The following THSD7B variants were observed in gnomAD, a reference collection of about 807,000 sequenced individuals.
THSD7B encodes thrombospondin type-1 domain-containing protein 7B.
Under a neutral mutation model 213.6 loss-of-function variants are expected in THSD7B, and 138 were observed. The observed-to-expected ratio is 0.65, with a 90% CI of 0.56 to 0.74. The LOEUF (loss-of-function observed/expected upper bound fraction) is 0.74, where lower values mean the gene tolerates loss of function less well. Among genes scored for constraint, THSD7B ranks in the 30% least tolerant of loss-of-function variants. The pLI is 0.00. For synonymous variants in THSD7B, 742 were observed against 687.0 expected (o/e 1.08, Z -1.25); for missense variants, 1,931 against 1,991.5 (o/e 0.97, Z 0.58).
intron 15 of THSD7B, among the ~76,000 whole-genome samples, chr2:137,539,577 A>C (rs1680569269): frequency 6.6e-6 from 1 of 151,762 alleles, no homozygotes; most frequent in Admixed American, 6.6e-5. Flanking sequence ...CATTCTGGTC[A>C]TGTGCAAACA....
chr2:137,427,502 ATAT>A (rs1185239473), intron 14 of THSD7B, among the ~76,000 whole-genome samples: 4 of 151,806 alleles, frequency 2.6e-5, no homozygotes, highest in African/African-American at 9.7e-5. Context: ...GTGTAATGAA[ATAT>A]TATTCAGTCT....
At chr2:137,261,014 T>C (rs1413490495) in intron 10 of THSD7B, among the ~76,000 whole-genome samples, 3 of 152,180 alleles carry the variant, frequency 2.0e-5, no homozygotes, top group Admixed American at 1.3e-4. Flanking sequence ...GGTCTTGCTG[T>C]GTTGCCTAGG....
At chr2:137,647,252 G>C (rs1683050488) in intron 21 of THSD7B, among the ~76,000 whole-genome samples, 1 of 152,144 alleles carries the variant, frequency 6.6e-6, no homozygotes, top group Admixed American at 6.5e-5. Context: ...AGTCCTGCAG[G>C]GGAAGAGGGA....
intron 20 of THSD7B, among the ~76,000 whole-genome samples, chr2:137,626,469 AAAAAAAAAAAAG>A (rs1007404982): frequency 1.2e-4 from 17 of 143,344 alleles, no homozygotes; most frequent in South Asian, 1.1e-3. Flanking sequence ...GTCTCAAAAA[AAAAAAAAAAAAG>A]AAAAAGAAAA....
At chr2:137,437,695 T>C (rs1687323411) in intron 14 of THSD7B, among the ~76,000 whole-genome samples, 1 of 152,060 alleles carries the variant, frequency 6.6e-6, no homozygotes. Flanking sequence ...TGATAAAGAT[T>C]TCAATGTAAC....
At chr2:137,088,203 G>A (rs1024369659) in intron 3 of THSD7B, among the ~76,000 whole-genome samples, 31 of 151,748 alleles carry the variant, frequency 2.0e-4, no homozygotes, top group African/African-American at 7.3e-4. Flanking sequence ...TTGCACCACT[G>A]CACTCCAGCC....
intron 1 of THSD7B, among the ~76,000 whole-genome samples, chr2:136,843,642 C>T (rs1383325659): frequency 6.6e-6 from 1 of 152,116 alleles, no homozygotes; most frequent in Non-Finnish European, 1.5e-5. Context: ...CAGTGTGGTA[C>T]TGGTGGCTTG....
At chr2:137,142,441 A>G (rs1361339919) in intron 5 of THSD7B, among the ~76,000 whole-genome samples, 1 of 151,544 alleles carries the variant, frequency 6.6e-6, no homozygotes, top group Non-Finnish European at 1.5e-5. Context: ...AAATTTCAAC[A>G]TTCGTTTTTG....
chr2:136,792,067 G>A (rs1324822156), intron 1 of THSD7B, among the ~76,000 whole-genome samples: 1 of 151,936 alleles, frequency 6.6e-6, no homozygotes, highest in African/African-American at 2.4e-5. Context: ...ATCCTACTGG[G>A]TATGAAGTGG....
chr2:137,155,791 G>A (rs1351612345), intron 5 of THSD7B, among the ~76,000 whole-genome samples: 2 of 152,224 alleles, frequency 1.3e-5, no homozygotes, highest in Non-Finnish European at 2.9e-5. Context: ...AGGGTTTAAA[G>A]TGTTAAATTT....
At chr2:137,599,379 G>GA (rs1343961524) in intron 17 of THSD7B, among the ~76,000 whole-genome samples, 1 of 151,888 alleles carries the variant, frequency 6.6e-6, no homozygotes, top group Non-Finnish European at 1.5e-5. Flanking sequence ...AAAATCACAT[G>GA]AAAAAATGCT....
chr2:137,158,560 T>G (rs1245291408), intron 5 of THSD7B, among the ~76,000 whole-genome samples: 1 of 152,244 alleles, frequency 6.6e-6, no homozygotes, highest in African/African-American at 2.4e-5. Context: ...AACATTATTA[T>G]TTTGTTTCGC....
At chr2:136,924,617 G>A (rs183825094) in intron 2 of THSD7B, among the ~76,000 whole-genome samples, 42 of 152,152 alleles carry the variant, frequency 2.8e-4, no homozygotes, top group African/African-American at 9.9e-4. Flanking sequence ...GGAAGTATGA[G>A]GCCTTGGCCT....
chr2:137,357,787 T>A (rs899186851), intron 12 of THSD7B, among the ~76,000 whole-genome samples: 4 of 152,110 alleles, frequency 2.6e-5, no homozygotes, highest in African/African-American at 9.7e-5. Context: ...GAGGAGGCAG[T>A]AGTGATGATG....
chr2:137,493,218 C>CATAGTAT (rs1679475752), intron 15 of THSD7B, among the ~76,000 whole-genome samples: 1 of 151,058 alleles, frequency 6.6e-6, no homozygotes, highest in Non-Finnish European at 1.5e-5. Context: ...GTATGTTCTC[C>CATAGTAT]ATAGTATTCC....
chr2:137,447,570 A>G (rs1198800164), intron 14 of THSD7B, among the ~76,000 whole-genome samples: 1 of 152,140 alleles, frequency 6.6e-6, no homozygotes, highest in Non-Finnish European at 1.5e-5. Context: ...TTAGTAATCA[A>G]AACTCCTTAG....
intron 12 of THSD7B, among the ~76,000 whole-genome samples, chr2:137,288,792 A>AATATATATAT (rs145513737): frequency 1.4e-5 from 2 of 145,272 alleles, no homozygotes; most frequent in Admixed American, 6.9e-5. Context: ...CTAGAAACAT[A>AATATATATAT]ATATATATAT....
chr2:137,305,890 C>A (rs1363350697), intron 12 of THSD7B, among the ~76,000 whole-genome samples: 1 of 152,128 alleles, frequency 6.6e-6, no homozygotes, highest in African/African-American at 2.4e-5. Flanking sequence ...TGCTCCTAGG[C>A]TACAAACCTG....
intron 1 of THSD7B, among the ~76,000 whole-genome samples, chr2:136,784,029 G>A (rs937669604): frequency 2.0e-5 from 3 of 152,206 alleles, no homozygotes; most frequent in Non-Finnish European, 2.9e-5. Context: ...ACCCGAGGGT[G>A]TGTTCTAAGA....
Sources: allele counts gnomAD v4.1 joint callset (sites outside exome capture counted in the v4.1 genomes callset), GRCh38; gene constraint gnomAD v4.1.1; transcripts MANE v1.5; gene names NCBI Gene and HGNC (gene_info 2026-07-23, HGNC 2026-07-21).